Variants in ERBB4 observed in about 807,000 individuals in gnomAD.
The protein encoded by ERBB4 is receptor tyrosine-protein kinase erbB-4.
ERBB4 carries 42 observed loss-of-function variants against 158.0 expected under a neutral mutation model. The ratio of observed to expected loss-of-function variants is 0.27; its 90% CI spans 0.21 to 0.34. ERBB4 has a LOEUF of 0.34. ERBB4 is among the 10% of genes least tolerant of loss of function. ERBB4 has a pLI of 1.00. For synonymous variants in ERBB4, 583 were observed against 558.7 expected (o/e 1.04, Z -0.61); for missense variants, 1,333 against 1,624.1 (o/e 0.82, Z 3.08).
rs542090831 is a variant in ERBB4 at position 211,638,759 on chromosome 2, A to T, written c.1947-8165T>A. ...TCAGTAGAGATATTGCCATTAAATGAATATGTAAATATAATCTGATCCTTT... is the reference window on the plus strand; with the variant it reads ...TCAGTAGAGATATTGCCATTAAATGTATATGTAAATATAATCTGATCCTTT... On this transcript the variant is annotated intron_variant, in intron 16 of 27. Coordinates refer to ENST00000342788, the MANE Select transcript of ERBB4 (RefSeq NM_005235.3). Among the ~76,000 whole-genome samples the T allele has an allele frequency of 2.6e-5, 4 of 152,318 alleles. No homozygotes were observed. In the East Asian group the frequency reaches 7.7e-4, roughly 29 times the overall value.
At chr2:211,687,113 G>A (rs2072588766) in intron 12 of ERBB4, among the ~76,000 whole-genome samples, 1 of 142,836 alleles carries the variant, frequency 7.0e-6, no homozygotes. Flanking sequence ...GGGCTAACAT[G>A]GTGAAACCCC....
intron 3 of ERBB4, among the ~76,000 whole-genome samples, chr2:211,904,264 A>G (rs1164036104): frequency 6.6e-6 from 1 of 152,144 alleles, no homozygotes; most frequent in Non-Finnish European, 1.5e-5. Flanking sequence ...TAAAATGTAG[A>G]GAACCGAACA....
At chr2:212,057,382 G>A (rs976167647) in intron 2 of ERBB4, among the ~76,000 whole-genome samples, 3 of 152,134 alleles carry the variant, frequency 2.0e-5, no homozygotes, top group African/African-American at 7.2e-5. Context: ...GAGACAGAAA[G>A]TTAACAAGGG....
At chr2:211,982,401 A>G (rs2081826214) in intron 2 of ERBB4, among the ~76,000 whole-genome samples, 1 of 152,224 alleles carries the variant, frequency 6.6e-6, no homozygotes, top group South Asian at 2.1e-4. Context: ...AACAAAAAGT[A>G]CAGGAAGAAA....
chr2:211,397,572 G>A (rs948128039), intron 25 of ERBB4, among the ~76,000 whole-genome samples: 1 of 152,006 alleles, frequency 6.6e-6, no homozygotes, highest in South Asian at 2.1e-4. Context: ...AACATCTATC[G>A]GCTGAGGATC....
At position 211,678,275 on chromosome 2, in the gene ERBB4, AAAGT is replaced by A. The variant is rs536830970; in HGVS notation, c.1622+773_1622+776del. Among the ~76,000 whole-genome samples, 769 of 148,456 alleles carry A rather than the reference AAAGT, an allele frequency of 5.2e-3. 7 individuals carry two copies. The highest frequency in any genetic ancestry group is 0.018 in the African/African-American group (731 of 40,000). On this transcript the variant is annotated intron_variant, in intron 13 of 27. Coordinates refer to ENST00000342788, the MANE Select transcript of ERBB4 (RefSeq NM_005235.3). ...CCATTCCTATATACAAATAGACATA[AAAGT>A]GAGTAGAAAAAACAAACAAACAAAA... is the stretch of plus-strand genomic sequence containing the variant.
At chr2:212,157,859 G>A (rs561753953) in intron 1 of ERBB4, among the ~76,000 whole-genome samples, 32 of 152,110 alleles carry the variant, frequency 2.1e-4, no homozygotes, top group African/African-American at 7.5e-4. Flanking sequence ...TAGGCACTTA[G>A]ACTGGAGGTA....
At chr2:212,174,102 T>A (rs561180141) in intron 1 of ERBB4, among the ~76,000 whole-genome samples, 1 of 152,100 alleles carries the variant, frequency 6.6e-6, no homozygotes, top group East Asian at 1.9e-4. Flanking sequence ...CAGGTACATA[T>A]AAAAATTAGA....
At position 211,722,477 on chromosome 2, in the gene ERBB4, C is replaced by A. The variant is rs2106122476; in HGVS notation, c.799G>T (p.Val267Phe). 6.2e-7 allele frequency: 1 copy of A among 1,613,930 alleles called. No individual in the cohort carries two copies. Among genetic ancestry groups the A allele is most frequent in the South Asian group, 1.1e-5 (1 of 91,082 alleles). Residue 267 changes from valine (V) to phenylalanine (F), a missense_variant, in exon 7 of 28, where the codon GTC (valine) becomes TTC (phenylalanine). By Grantham distance (50) the Val-to-Phe change is conservative (BLOSUM62 -1). Transcript: ENST00000342788. ...ACVTQCPQTF[V>F]YNPTTFQLEH... ...AGTTGAAAGGTGGTTGGATTGTAGA[C>A]AAAGGTTTGGGGACACTGAGTAACA...
chr2:212,402,910 G>C (rs578007038), intron 1 of ERBB4, among the ~76,000 whole-genome samples: 45 of 151,816 alleles, frequency 3.0e-4, no homozygotes, highest in Non-Finnish European at 5.6e-4. Context: ...CAACTTTTAC[G>C]TGATACCAGC....
chr2:212,192,000 T>C (rs796455073), intron 1 of ERBB4, among the ~76,000 whole-genome samples: 2 of 76,188 alleles, frequency 2.6e-5, no homozygotes, highest in Admixed American at 1.4e-4. Context: ...TTATATATGT[T>C]ATATATAATA....
intron 1 of ERBB4, among the ~76,000 whole-genome samples, chr2:212,135,414 T>C (rs958489197): frequency 6.6e-6 from 1 of 152,176 alleles, no homozygotes; most frequent in Non-Finnish European, 1.5e-5. Context: ...AAGATGAGCT[T>C]GGTAAAATTA....
At chr2:212,405,917 A>G (rs2091332442) in intron 1 of ERBB4, among the ~76,000 whole-genome samples, 1 of 152,110 alleles carries the variant, frequency 6.6e-6, no homozygotes, top group African/African-American at 2.4e-5. Context: ...CTCGCTGCTC[A>G]ACAACTTAAT....
At chr2:211,871,113 A>T (rs1238982709) in intron 3 of ERBB4, among the ~76,000 whole-genome samples, 2 of 152,170 alleles carry the variant, frequency 1.3e-5, no homozygotes, top group Non-Finnish European at 2.9e-5. Context: ...CCATTAATAA[A>T]TTTAAACTGT....
intron 17 of ERBB4, among the ~76,000 whole-genome samples, chr2:211,627,380 T>C (rs1183599173): frequency 6.6e-6 from 1 of 152,250 alleles, no homozygotes; most frequent in Non-Finnish European, 1.5e-5. Flanking sequence ...GAATCACTAT[T>C]AGGTTTTCCC....
chr2:211,377,068 A>G lies in ERBB4; in HGVS notation c.*6547T>C, dbSNP rs542480479. 1 of 233,114 alleles carries G rather than the reference A, an allele frequency of 4.3e-6. No individual in the cohort carries two copies. Among genetic ancestry groups the G allele is most frequent in the South Asian group, 1.8e-4 (1 of 5,530 alleles). 14.4% of individuals were successfully genotyped at this position (233,114 alleles called of 1,614,324 possible). ...AACTTTCGTAGTTGATTACTGGAGT[A>G]ATCCCAAAAGGGTTCTTGGAGTGCT... On this transcript the variant is annotated 3_prime_UTR_variant, in exon 28 of 28. Coordinates refer to ENST00000342788, the MANE Select transcript of ERBB4 (RefSeq NM_005235.3).
chr2:211,952,486 G>A (rs144894114), intron 2 of ERBB4, among the ~76,000 whole-genome samples: 1 of 152,106 alleles, frequency 6.6e-6, no homozygotes, highest in East Asian at 1.9e-4. Flanking sequence ...TCTCCTTTCA[G>A]CCATCAGAAA....
chr2:211,550,594 T>TATATATATATAA (rs1256961213), intron 20 of ERBB4, among the ~76,000 whole-genome samples: 1 of 145,264 alleles, frequency 6.9e-6, no homozygotes, highest in East Asian at 2.0e-4. Context: ...TATATATATA[T>TATATATATATAA]AAATATATAG....
chr2:211,540,733 A>G (rs952937617), intron 20 of ERBB4, among the ~76,000 whole-genome samples: 12 of 111,050 alleles, frequency 1.1e-4, no homozygotes, highest in Non-Finnish European at 2.3e-4. Context: ...CACTAGAGAA[A>G]TATTTTTTTT....
Sources: allele counts gnomAD v4.1 joint callset (sites outside exome capture counted in the v4.1 genomes callset), GRCh38; gene constraint gnomAD v4.1.1; transcripts MANE v1.5; gene names NCBI Gene and HGNC (gene_info 2026-07-23, HGNC 2026-07-21).